The following GRM7 variants were observed in gnomAD, a reference collection of about 807,000 sequenced individuals.
The protein encoded by GRM7 is glutamate metabotropic receptor 7.
Under a neutral mutation model 84.5 loss-of-function variants are expected in GRM7, and 35 were observed. The ratio of observed to expected loss-of-function variants is 0.41; its 90% CI spans 0.32 to 0.55. GRM7 has a LOEUF of 0.55. Ranked by LOEUF, GRM7 falls within the 20% of genes least tolerant of loss-of-function variation. The pLI, the probability that GRM7 is intolerant of heterozygous loss-of-function variation, is 0.19. For missense variants in GRM7, 1,003 were observed against 1,194.6 expected (o/e 0.84, Z 2.36); for synonymous variants, 487 against 455.1 (o/e 1.07, Z -0.89).
At chr3:7,418,788 C>G (rs1199228386) in intron 5 of GRM7, among the ~76,000 whole-genome samples, 1 of 152,156 alleles carries the variant, frequency 6.6e-6, no homozygotes, top group African/African-American at 2.4e-5. Context: ...CATTATACCA[C>G]AGTGGTTAAG....
chr3:7,304,939 A>G (rs953372994), intron 3 of GRM7, among the ~76,000 whole-genome samples: 1 of 152,196 alleles, frequency 6.6e-6, no homozygotes, highest in African/African-American at 2.4e-5. Flanking sequence ...TGAATAAGGC[A>G]GTAAAAAGCT....
intron 8 of GRM7, among the ~76,000 whole-genome samples, chr3:7,591,078 T>C (rs1695759453): frequency 6.6e-6 from 1 of 152,084 alleles, no homozygotes. Context: ...CTCAATATAT[T>C]GTTTAGAGAG....
intron 8 of GRM7, among the ~76,000 whole-genome samples, chr3:7,675,465 G>C (rs939173013): frequency 2.0e-5 from 3 of 152,132 alleles, no homozygotes; most frequent in African/African-American, 4.8e-5. Context: ...AATTAGACAC[G>C]GAACTCAGTT....
chr3:7,729,496 G>A (rs567225371), intron 9 of GRM7, among the ~76,000 whole-genome samples: 1 of 152,218 alleles, frequency 6.6e-6, no homozygotes, highest in South Asian at 2.1e-4. Flanking sequence ...TGTCAGCTCT[G>A]ATTTCAATAT....
chr3:7,475,856 C>G lies in GRM7; in HGVS notation c.1515+14134C>G, dbSNP rs183899461. 2.2e-3 allele frequency among the ~76,000 whole-genome samples: 331 copies of G among 152,316 alleles called. 1 individual carries two copies. The highest frequency in any genetic ancestry group is 7.6e-3 in the African/African-American group (314 of 41,574). On this transcript the variant is annotated intron_variant, in intron 7 of 9. Coordinates refer to ENST00000357716, the MANE Select transcript of GRM7 (RefSeq NM_000844.4). ...TTGAAATGCCTTCTTTCACTGGTCT[C>G]TGCTCTATATTTAAATTTGTTTTAA...
At chr3:7,722,430 T>C (rs1701982518) in intron 9 of GRM7, among the ~76,000 whole-genome samples, 1 of 145,936 alleles carries the variant, frequency 6.9e-6, no homozygotes, top group Non-Finnish European at 1.5e-5. Flanking sequence ...TACAGCTGAA[T>C]GGTGACAATC....
chr3:6,914,162 A>T (rs1464807782), intron 1 of GRM7, among the ~76,000 whole-genome samples: 1 of 152,166 alleles, frequency 6.6e-6, no homozygotes, highest in African/African-American at 2.4e-5. Flanking sequence ...TACTTTAGAA[A>T]ATGCTATTCT....
intron 8 of GRM7, among the ~76,000 whole-genome samples, chr3:7,629,383 G>T (rs980053797): frequency 6.6e-6 from 1 of 152,114 alleles, no homozygotes; most frequent in Admixed American, 6.5e-5. Context: ...TGCCAGCAGG[G>T]TTGGTTTCTG....
chr3:6,994,216 T>C (rs765629828), intron 1 of GRM7, among the ~76,000 whole-genome samples: 3 of 151,966 alleles, frequency 2.0e-5, no homozygotes, highest in African/African-American at 7.2e-5. Context: ...CAGAGAAAGG[T>C]TGTTGGATTG....
chr3:7,269,527 T>C (rs1050210783), intron 2 of GRM7, among the ~76,000 whole-genome samples: 2 of 152,164 alleles, frequency 1.3e-5, no homozygotes, highest in African/African-American at 4.8e-5. Context: ...GTGATTCTAA[T>C]ATGCAGCCAA....
intron 2 of GRM7, among the ~76,000 whole-genome samples, chr3:7,204,682 C>T (rs1453578912): frequency 6.6e-6 from 1 of 152,212 alleles, no homozygotes; most frequent in East Asian, 1.9e-4. Context: ...GAAGTGTTCT[C>T]TGCAGTACCA....
chr3:7,238,022 G>T (rs1490486467), intron 2 of GRM7, among the ~76,000 whole-genome samples: 1 of 152,158 alleles, frequency 6.6e-6, no homozygotes, highest in Admixed American at 6.5e-5. Flanking sequence ...GTCTCCACCT[G>T]ACCCAGAAGC....
chr3:7,386,039 T>C (rs902530499), intron 4 of GRM7, among the ~76,000 whole-genome samples: 1 of 152,128 alleles, frequency 6.6e-6, no homozygotes, highest in African/African-American at 2.4e-5. Context: ...TAGCAATGTA[T>C]ACAATGGGCT....
chr3:7,245,392 T>C (rs970130926), intron 2 of GRM7, among the ~76,000 whole-genome samples: 3 of 151,870 alleles, frequency 2.0e-5, no homozygotes, highest in Non-Finnish European at 4.4e-5. Flanking sequence ...ATGAGACTTA[T>C]TGAAGGTAGG....
At chr3:6,869,943 C>G (rs1371065546) in intron 1 of GRM7, among the ~76,000 whole-genome samples, 9 of 152,252 alleles carry the variant, frequency 5.9e-5, no homozygotes, top group Admixed American at 2.6e-4. Flanking sequence ...AAACACCTTC[C>G]ATGTGCGCTT....
chr3:7,314,963 A>C (rs932320453), intron 4 of GRM7, among the ~76,000 whole-genome samples: 1 of 151,672 alleles, frequency 6.6e-6, no homozygotes, highest in Non-Finnish European at 1.5e-5. Flanking sequence ...TTGTTTAGTG[A>C]CTTTTCCATA....
chr3:7,456,506 A>G (rs1465432327), intron 6 of GRM7, among the ~76,000 whole-genome samples: 3 of 131,454 alleles, frequency 2.3e-5, no homozygotes, highest in African/African-American at 5.1e-5. Flanking sequence ...GAATTACGAT[A>G]TTCAAATCCA....
At chr3:7,275,334 G>T (rs1699013005) in intron 2 of GRM7, among the ~76,000 whole-genome samples, 1 of 152,016 alleles carries the variant, frequency 6.6e-6, no homozygotes, top group African/African-American at 2.4e-5. Flanking sequence ...TTTTCAGTTT[G>T]TCTTATAATT....
intron 9 of GRM7, chr3:7,686,311 G>A (rs754852191): frequency 1.3e-6 from 1 of 798,336 alleles, no homozygotes; most frequent in South Asian, 1.5e-5. Context: ...GTAATATTGT[G>A]TGCACATTTA....
Sources: allele counts gnomAD v4.1 joint callset (sites outside exome capture counted in the v4.1 genomes callset), GRCh38; gene constraint gnomAD v4.1.1; transcripts MANE v1.5; gene names NCBI Gene and HGNC (gene_info 2026-07-23, HGNC 2026-07-21).